SNTG1: variants seen among roughly 807,000 people sequenced by gnomAD.
SNTG1 encodes syntrophin gamma 1.
A neutral mutation model predicts 74.7 loss-of-function variants in SNTG1; 39 were observed. The observed-to-expected ratio is 0.52, with a 90% CI of 0.40 to 0.68. The LOEUF (loss-of-function observed/expected upper bound fraction) is 0.68, where lower values mean the gene tolerates loss of function less well. Among genes scored for constraint, SNTG1 ranks in the 30% least tolerant of loss-of-function variants. The probability of loss-of-function intolerance (pLI) is 0.00; values close to 1 mark genes in which losing one functional copy is unlikely to be tolerated. For missense variants in SNTG1, 685 were observed against 609.5 expected (o/e 1.12, Z -1.30); for synonymous variants, 254 against 217.1 (o/e 1.17, Z -1.49).
chr8:50,168,064 A>G (rs2082687953), intron 1 of SNTG1, among the ~76,000 whole-genome samples: 1 of 152,100 alleles, frequency 6.6e-6, no homozygotes, highest in Non-Finnish European at 1.5e-5. Context: ...TCTTATTGAA[A>G]TGTAAAAATA....
intron 1 of SNTG1, among the ~76,000 whole-genome samples, chr8:49,932,763 G>C (rs766082398): frequency 2.0e-4 from 30 of 152,046 alleles, no homozygotes; most frequent in Non-Finnish European, 4.4e-4. Flanking sequence ...AACATTAGCT[G>C]TCACTCCTCA....
intron 4 of SNTG1, among the ~76,000 whole-genome samples, chr8:50,404,189 G>A (rs1221405693): frequency 1.3e-5 from 2 of 151,972 alleles, no homozygotes; most frequent in South Asian, 2.1e-4. Flanking sequence ...AAGTCAGAAA[G>A]ACAATACACT....
rs534689854 is a variant in SNTG1, at chr8:50,738,395, T to A, written c.1285-13606T>A. 7.9e-5 allele frequency among the ~76,000 whole-genome samples: 12 copies of A among 151,920 alleles called. No individual in the cohort carries two copies. The South Asian group carries it at 2.5e-3, about 32-fold the overall frequency. On this transcript the variant is annotated intron_variant, in intron 17 of 18. Transcript: ENST00000642720. ...TCAAAGAGAACTAGAAACCACTGCT[T>A]GAAGAAGTAAGAGAGGACACAAACA...
At chr8:50,030,884 G>C (rs933786384) in intron 1 of SNTG1, among the ~76,000 whole-genome samples, 3 of 151,828 alleles carry the variant, frequency 2.0e-5, no homozygotes, top group Non-Finnish European at 4.4e-5. Flanking sequence ...AAATGTGGTA[G>C]GATTTTGGTA....
intron 2 of SNTG1, among the ~76,000 whole-genome samples, chr8:50,245,688 AAC>A (rs1377907515): frequency 6.6e-6 from 1 of 152,164 alleles, no homozygotes; most frequent in East Asian, 1.9e-4. Context: ...ATCTCAAACA[AAC>A]AAACAGACAA....
chr8:50,779,660 T>G (rs1252212144), intron 18 of SNTG1, among the ~76,000 whole-genome samples: 1 of 147,578 alleles, frequency 6.8e-6, no homozygotes, highest in Non-Finnish European at 1.5e-5. Flanking sequence ...CAGGGGCAAT[T>G]TGACTTCCTC....
intron 2 of SNTG1, among the ~76,000 whole-genome samples, chr8:50,195,355 C>T (rs556411493): frequency 1.8e-4 from 27 of 152,030 alleles, no homozygotes; most frequent in Non-Finnish European, 2.8e-4. Context: ...AAACTTGCCC[C>T]GGGATACCTG....
At chr8:50,045,620 T>C (rs1819018874) in intron 1 of SNTG1, among the ~76,000 whole-genome samples, 1 of 152,198 alleles carries the variant, frequency 6.6e-6, no homozygotes, top group Non-Finnish European at 1.5e-5. Context: ...TCTTCATTTC[T>C]AAATCAGAGA....
chr8:50,450,426 T>G (rs1013276976), intron 6 of SNTG1, 130 bp from the exon 7 acceptor site: 3 of 920,060 alleles, frequency 3.3e-6, no homozygotes, highest in Non-Finnish European at 4.9e-6. Flanking sequence ...TTGTGGATCT[T>G]TTAAGATGCT....
chr8:50,770,815 A>G (rs925753083), intron 18 of SNTG1, among the ~76,000 whole-genome samples: 5 of 152,034 alleles, frequency 3.3e-5, no homozygotes, highest in African/African-American at 1.2e-4. Context: ...TGTTAAAACA[A>G]GTCTGGCTTC....
chr8:50,009,214 C>G (rs971157948), intron 1 of SNTG1, among the ~76,000 whole-genome samples: 5 of 152,078 alleles, frequency 3.3e-5, no homozygotes, highest in Non-Finnish European at 7.3e-5. Context: ...TTTTATATAG[C>G]ATGTTGATCT....
Position 50,410,116 on chromosome 8 carries a change from C to CT in SNTG1, c.162+7775dup, listed in dbSNP as rs141129039. Among the ~76,000 whole-genome samples the CT allele has an allele frequency of 4.2e-3, 645 of 152,298 alleles. 7 individuals are homozygous for CT. Among genetic ancestry groups the CT allele is most frequent in the African/African-American group, 0.011 (474 of 41,568 alleles). ...CTATTAACCTTGGAATTTGTACTGG[C>CT]TTTCACATGGGTGTGACATGATGTA... On this transcript the variant is annotated intron_variant, in intron 4 of 18. Transcript: ENST00000642720.
intron 1 of SNTG1, among the ~76,000 whole-genome samples, chr8:49,980,391 T>G (rs1812564928): frequency 6.6e-6 from 1 of 151,908 alleles, no homozygotes; most frequent in Non-Finnish European, 1.5e-5. Flanking sequence ...CTCTCCTGAC[T>G]TGTACATGCG....
intron 1 of SNTG1, among the ~76,000 whole-genome samples, chr8:50,129,551 C>T (rs1003708895): frequency 5.3e-5 from 8 of 152,094 alleles, no homozygotes; most frequent in Non-Finnish European, 8.8e-5. Context: ...AACAATTTTA[C>T]CTACAGAGTT....
intron 15 of SNTG1, among the ~76,000 whole-genome samples, chr8:50,685,759 A>G (rs1044068539): frequency 2.0e-5 from 3 of 152,230 alleles, no homozygotes; most frequent in Non-Finnish European, 4.4e-5. Context: ...GCACACACAC[A>G]CACATACAGC....
rs575390966 is a variant in SNTG1, at chr8:50,032,076, G to A, written c.-103+119845G>A. 2.0e-5 allele frequency among the ~76,000 whole-genome samples: 3 copies of A among 152,196 alleles called. No individual in the cohort carries two copies. In the South Asian group the frequency reaches 6.2e-4, roughly 32 times the overall value. Reference sequence around the variant, plus strand: ...GTCTAGTTTATAAAATTTGTGTGTAGAGTTGTTTATAGTAATTCTTTTTAT... The same window carrying A: ...GTCTAGTTTATAAAATTTGTGTGTAAAGTTGTTTATAGTAATTCTTTTTAT... On this transcript the variant is annotated intron_variant, in intron 1 of 18. Coordinates refer to ENST00000642720, the MANE Select transcript of SNTG1 (RefSeq NM_018967.5).
intron 1 of SNTG1, among the ~76,000 whole-genome samples, chr8:50,075,806 C>T (rs55889053): frequency 6.6e-6 from 1 of 152,078 alleles, no homozygotes; most frequent in Non-Finnish European, 1.5e-5. Flanking sequence ...GCCTTAAGAG[C>T]TATAACACTC....
intron 13 of SNTG1, among the ~76,000 whole-genome samples, chr8:50,608,320 T>TA (rs1361761801): frequency 2.0e-5 from 3 of 151,774 alleles, no homozygotes; most frequent in African/African-American, 7.2e-5. Context: ...AACTCTCATT[T>TA]AAAAATTTTT....
intron 15 of SNTG1, among the ~76,000 whole-genome samples, chr8:50,696,672 C>A (rs1411489564): frequency 1.3e-5 from 2 of 152,030 alleles, no homozygotes; most frequent in Non-Finnish European, 2.9e-5. Flanking sequence ...ATTTTCCTAG[C>A]ACCATTTATG....
Sources: gnomAD v4.1 joint callset for allele counts (sites outside exome capture counted in the v4.1 genomes callset) on GRCh38, gnomAD v4.1.1 for gene constraint, MANE v1.5 for transcripts, NCBI Gene and HGNC (gene_info 2026-07-23, HGNC 2026-07-21) for gene names.